DLG1: variants seen among roughly 807,000 people sequenced by gnomAD.
The protein encoded by DLG1 is discs large MAGUK scaffold protein 1.
DLG1 carries 42 observed loss-of-function variants against 123.4 expected under a neutral mutation model. The observed-to-expected ratio is 0.34, with a 90% CI of 0.27 to 0.44. DLG1 has a LOEUF of 0.44. Among genes scored for constraint, DLG1 ranks in the 20% least tolerant of loss-of-function variants. The probability of loss-of-function intolerance (pLI) is 1.00; values close to 1 mark genes in which losing one functional copy is unlikely to be tolerated. For synonymous variants in DLG1, 317 were observed against 356.2 expected, an observed-to-expected ratio of 0.89 and a Z score of 1.24; for missense variants, 942 against 1,082.6, an observed-to-expected ratio of 0.87 and a Z score of 1.82.
At chr3:197,283,011 A>T (rs1258262902) in intron 3 of DLG1, among the ~76,000 whole-genome samples, 166 bp from the exon 4 acceptor site, 1 of 152,206 alleles carries the variant, frequency 6.6e-6, no homozygotes, top group Non-Finnish European at 1.5e-5. Context: ...TCATTATATC[A>T]CAATCATATC....
intron 4 of DLG1, among the ~76,000 whole-genome samples, chr3:197,274,575 T>TC (rs1765518364): frequency 6.6e-6 from 1 of 151,746 alleles, no homozygotes; most frequent in Non-Finnish European, 1.5e-5. Flanking sequence ...GCAAGTATTT[T>TC]TTAGGTAATG....
intron 4 of DLG1, among the ~76,000 whole-genome samples, chr3:197,245,948 T>A (rs1751529533): frequency 1.3e-5 from 2 of 150,624 alleles, no homozygotes; most frequent in African/African-American, 4.9e-5. Flanking sequence ...CCTGGGTGAT[T>A]AATTAACTGT....
intron 5 of DLG1, among the ~76,000 whole-genome samples, chr3:197,186,785 C>T (rs1716276848): frequency 6.6e-6 from 1 of 152,084 alleles, no homozygotes; most frequent in Non-Finnish European, 1.5e-5. Flanking sequence ...ACTACGTTGC[C>T]CAGGCTGGTC....
intron 13 of DLG1, among the ~76,000 whole-genome samples, chr3:197,110,686 T>C (rs2149358826): frequency 6.6e-6 from 1 of 152,370 alleles, no homozygotes; most frequent in East Asian, 1.9e-4. Flanking sequence ...TGACTTTTCT[T>C]AATGTTATAA....
At chr3:197,299,087 C>G (rs376539455), upstream of DLG1, 1 of 152,334 alleles carries the variant, frequency 6.6e-6, no homozygotes, top group Non-Finnish European at 1.5e-5. Context: ...TCGGCCAGCG[C>G]TGCAGGTTTG....
At chr3:197,293,942 C>T (rs1776147198) in intron 3 of DLG1, 1 of 152,884 alleles carries the variant, frequency 6.5e-6, no homozygotes, top group Non-Finnish European at 1.5e-5. Context: ...ACTCTGTCTT[C>T]TGAGTCGGAT....
rs1313821989 is a variant in DLG1, at chr3:197,194,512, T to G, written c.396A>C (p.Pro132=). Residue 132 remains proline, a synonymous_variant, in exon 5 of 25, where the codon CCA becomes CCC. Coordinates refer to ENST00000667157, the MANE Select transcript of DLG1 (RefSeq NM_001366207.1). ...TCTTCTCTGAGACATGAACCAATTC[T>G]GGACCTATCACTTCATTTGTGATTT... ...SPQITNEVIG[P]ELVHVSEKNL... The G allele has an allele frequency of 6.2e-7, 1 of 1,607,136 alleles. No individual in the cohort carries two copies. Among genetic ancestry groups the G allele is most frequent in the Non-Finnish European group, 8.5e-7 (1 of 1,176,886 alleles).
intron 5 of DLG1, among the ~76,000 whole-genome samples, chr3:197,173,993 G>T (rs952861803): frequency 6.6e-6 from 1 of 152,182 alleles, no homozygotes; most frequent in Non-Finnish European, 1.5e-5. Context: ...TGGGGCATAA[G>T]AATCACTTGA....
At chr3:197,089,978 G>C (rs1284000338) in intron 15 of DLG1, among the ~76,000 whole-genome samples, 1 of 152,150 alleles carries the variant, frequency 6.6e-6, no homozygotes, top group Non-Finnish European at 1.5e-5. Flanking sequence ...TGATGTATCA[G>C]AGTAAGATTA....
chr3:197,294,483 A>G (rs1776411152), intron 3 of DLG1, among the ~76,000 whole-genome samples: 2 of 152,084 alleles, frequency 1.3e-5, no homozygotes, highest in African/African-American at 2.4e-5. Flanking sequence ...CGTCTTTACT[A>G]AAAATACAAT....
chr3:197,164,833 A>G (rs1407536053), intron 5 of DLG1, among the ~76,000 whole-genome samples: 1 of 151,956 alleles, frequency 6.6e-6, no homozygotes, highest in African/African-American at 2.4e-5. Context: ...GAGTCAGGAG[A>G]ACTGCTTGAA....
At chr3:197,254,587 A>G (rs1008242261) in intron 4 of DLG1, among the ~76,000 whole-genome samples, 4 of 152,240 alleles carry the variant, frequency 2.6e-5, no homozygotes, top group African/African-American at 9.6e-5. Context: ...AGAACCACAG[A>G]TGTTAGAACT....
chr3:197,256,132 G>T (rs1376625651), intron 4 of DLG1, among the ~76,000 whole-genome samples: 1 of 152,222 alleles, frequency 6.6e-6, no homozygotes, highest in African/African-American at 2.4e-5. Context: ...ATAAAAATCT[G>T]TTTAAAATGA....
intron 5 of DLG1, among the ~76,000 whole-genome samples, chr3:197,186,894 A>G (rs1013606824): frequency 2.0e-5 from 3 of 152,210 alleles, no homozygotes; most frequent in African/African-American, 7.2e-5. Flanking sequence ...TGAAAAATGT[A>G]AAAAGGTAAA....
rs1300222676 is a variant in DLG1 at position 197,148,245 on chromosome 3, C to CA, written c.537+1497dup. The stretch of plus-strand genomic sequence containing the variant: ...TAAAACCCCATCTCTACCAAAAATA[C>CA]AAAAAAAAAAAAAAAATAGCCAGTC... On this transcript the variant is annotated intron_variant, in intron 6 of 24. Coordinates refer to ENST00000667157, the MANE Select transcript of DLG1 (RefSeq NM_001366207.1). Among the ~76,000 whole-genome samples the CA allele has an allele frequency of 5.3e-4, 23 of 43,300 alleles. 2 individuals carry two copies. The highest frequency in any genetic ancestry group is 0.014 in the Middle Eastern group (1 of 74). The allele number at this position is 43,300 out of a possible 152,430, so 28.4% of individuals were successfully genotyped here. A position where few individuals can be genotyped will look rare whatever the true frequency, so the allele number is the denominator to read the frequency against.
At chr3:197,180,816 C>T (rs1351335956) in intron 5 of DLG1, among the ~76,000 whole-genome samples, 1 of 151,954 alleles carries the variant, frequency 6.6e-6, no homozygotes, top group Non-Finnish European at 1.5e-5. Flanking sequence ...AGAGAAGATC[C>T]AATCAATACA....
chr3:197,297,286 C>T (rs901662565), intron 1 of DLG1, 51 bp from the exon 2 acceptor site: 5 of 1,600,968 alleles, frequency 3.1e-6, no homozygotes, highest in Non-Finnish European at 4.3e-6. Flanking sequence ...GTTAAACTAG[C>T]ATTTTCCCCT....
At chr3:197,256,349 T>C (rs1465335067) in intron 4 of DLG1, among the ~76,000 whole-genome samples, 3 of 152,276 alleles carry the variant, frequency 2.0e-5, no homozygotes, top group Non-Finnish European at 4.4e-5. Context: ...TTTGGCCCAC[T>C]GGCCATAGTC....
intron 22 of DLG1, among the ~76,000 whole-genome samples, chr3:197,060,635 A>ACTAG (rs1229689177): frequency 3.3e-5 from 5 of 152,208 alleles, no homozygotes; most frequent in African/African-American, 9.7e-5. Flanking sequence ...AAACTCATAA[A>ACTAG]CTAGCATATG....
Sources: allele counts gnomAD v4.1 joint callset (sites outside exome capture counted in the v4.1 genomes callset), GRCh38; gene constraint gnomAD v4.1.1; transcripts MANE v1.5; gene names NCBI Gene and HGNC (gene_info 2026-07-23, HGNC 2026-07-21).